The following NID1 variants were observed in gnomAD, a reference collection of about 807,000 sequenced individuals.
NID1 encodes the protein nidogen 1.
NID1 carries 76 observed loss-of-function variants against 130.6 expected under a neutral mutation model. The ratio of observed to expected loss-of-function variants is 0.58; its 90% CI spans 0.48 to 0.70. NID1 has a LOEUF of 0.70. NID1 is among the 30% of genes least tolerant of loss of function. NID1 has a pLI of 0.00. For synonymous variants in NID1, 665 were observed against 675.1 expected (o/e 0.98, Z 0.23); for missense variants, 1,517 against 1,664.8 (o/e 0.91, Z 1.54).
intron 12 of NID1, among the ~76,000 whole-genome samples, chr1:236,011,437 G>A (rs991881862): frequency 6.6e-6 from 1 of 151,558 alleles, no homozygotes; most frequent in South Asian, 2.1e-4. Context: ...GTAGTAGCTG[G>A]GATTACAGGC....
At chr1:235,996,743 A>C (rs1046551740) in intron 12 of NID1, among the ~76,000 whole-genome samples, 2 of 149,414 alleles carry the variant, frequency 1.3e-5, no homozygotes, top group Non-Finnish European at 3.0e-5. Context: ...AAGCCTGGCC[A>C]CTTCATGTAT....
At chr1:236,031,783 C>A (rs746996) in intron 6 of NID1, among the ~76,000 whole-genome samples, 1,766 of 152,304 alleles carry the variant, frequency 0.012, 36 homozygotes, top group African/African-American at 0.041. Flanking sequence ...GCCACCACAA[C>A]ACCAAGGAAA....
chr1:235,999,502 G>C (rs192265857), intron 12 of NID1, among the ~76,000 whole-genome samples: 1 of 152,092 alleles, frequency 6.6e-6, no homozygotes, highest in African/African-American at 2.4e-5. Flanking sequence ...GAGTGTCCCT[G>C]GCCCCCATGG....
At chr1:236,062,633 CAAAA>C (rs56709890) in intron 1 of NID1, among the ~76,000 whole-genome samples, 34 of 104,246 alleles carry the variant, frequency 3.3e-4, no homozygotes, top group East Asian at 1.5e-3. Context: ...GACTCTGTCT[CAAAA>C]AAAAAAAAAA....
intron 10 of NID1, among the ~76,000 whole-genome samples, chr1:236,014,481 C>T (rs949774333): frequency 1.3e-5 from 2 of 152,102 alleles, no homozygotes; most frequent in Non-Finnish European, 2.9e-5. Flanking sequence ...AGCTGAAAAT[C>T]ACCCTGTAGA....
chr1:236,008,062 GC>G (rs1262346341), intron 12 of NID1, among the ~76,000 whole-genome samples: 1 of 152,044 alleles, frequency 6.6e-6, no homozygotes, highest in Non-Finnish European at 1.5e-5. Flanking sequence ...ACTCACCCAT[GC>G]ACATACACAA....
chr1:236,012,206 C>G (rs1222519062), intron 11 of NID1, among the ~76,000 whole-genome samples, 163 bp from the exon 12 acceptor site: 1 of 152,194 alleles, frequency 6.6e-6, no homozygotes, highest in Non-Finnish European at 1.5e-5. Context: ...ACTAACTCCC[C>G]AATATCTATC....
At chr1:236,050,204 G>A (rs2102846781) in intron 1 of NID1, among the ~76,000 whole-genome samples, 1 of 152,308 alleles carries the variant, frequency 6.6e-6, no homozygotes, top group African/African-American at 2.4e-5. Flanking sequence ...TCCAAAATCA[G>A]TCCTTTTAAT....
In NID1 at chr1:235,977,996, A is replaced by C; in HGVS notation, c.3623-8T>G. On this transcript the variant is annotated splice_region_variant and splice_polypyrimidine_tract_variant and intron_variant, in intron 19 of 19. Transcript: ENST00000264187. ...CTGAGCAGTAGTTATGGCCTGGAAA[A>C]GGCAGAAATCAGTTCAATAGCCCTC... is the stretch of plus-strand genomic sequence containing the variant. 6.2e-7 allele frequency: 1 copy of C among 1,613,744 alleles called. No homozygotes were observed.
Position 236,065,021 on chromosome 1 carries a change from A to C in NID1, c.59T>G (p.Leu20Arg). The change falls in exon 1 of 20, where the codon CTG becomes CGG. Residue 20 changes from leucine (L) to arginine (R), a missense_variant. Physicochemically the swap from Leu to Arg is moderately radical, Grantham distance 102. Around this residue, in one of 3 missense-constraint regions of NID1, gnomAD observed 1,329 missense variants for 1,429.2 expected, o/e 0.93. Coordinates refer to ENST00000264187, the MANE Select transcript of NID1 (RefSeq NM_002508.3). The surrounding 1 kb of genome is among the most constrained non-coding windows in gnomAD (Gnocchi z 4.1). ...GCAGCCCACAGGCCCCGCCAGCAGC[A>C]GCGGCAGCAGCAGCGCCCGCGTCCA... ...AAWTRALLLP[L>R]LLAGPVGCLS... 2 of 1,561,262 alleles carry C rather than the reference A, an allele frequency of 1.3e-6. No homozygotes were observed. The highest frequency in any genetic ancestry group is 2.3e-5 in the South Asian group (2 of 85,392).
At position 236,048,765 on chromosome 1, in the gene NID1, A is replaced by G. The variant is rs1161552695; in HGVS notation, c.450T>C (p.Ser150=). The change falls in exon 2 of 20, where the codon AGT becomes AGC. Residue 150 remains serine, a synonymous_variant. Coordinates refer to ENST00000264187, the MANE Select transcript of NID1 (RefSeq NM_002508.3). Reference sequence around the variant, plus strand: ...ATTCCCAAGTGACAACCACCGCGCTACTAGGCTGGAAAGAGATCTCCGGGA... The same window carrying G: ...ATTCCCAAGTGACAACCACCGCGCTGCTAGGCTGGAAAGAGATCTCCGGGA... ...RGFPEISFQP[S]SAVVVTWESV... is the part of the protein sequence containing the mutation. 1.2e-6 allele frequency: 2 copies of G among 1,613,754 alleles called. No homozygotes were observed. The highest frequency in any genetic ancestry group is 1.7e-4 in the Middle Eastern group (1 of 5,760).
At chr1:236,057,214 G>A (rs1659919584) in intron 1 of NID1, among the ~76,000 whole-genome samples, 2 of 152,118 alleles carry the variant, frequency 1.3e-5, no homozygotes, top group Admixed American at 1.3e-4. Context: ...AGCTGAGACT[G>A]TGCCACTGCA....
At chr1:236,024,799 A>C (rs542514005) in intron 8 of NID1, among the ~76,000 whole-genome samples, 31 of 152,302 alleles carry the variant, frequency 2.0e-4, no homozygotes, top group Non-Finnish European at 3.8e-4. Context: ...GGTATGTCAC[A>C]AAAGCTCCCT....
rs531461164 is a variant in NID1, at chr1:236,002,757, G to A, written c.2528-8885C>T. ...GGGATGGAGGAACCACAGGCTCAGC[G>A]ATCACTCCGCGGATTTGGAAACGAG... is the stretch of plus-strand genomic sequence containing the variant. On this transcript the variant is annotated intron_variant, in intron 12 of 19. Transcript: ENST00000264187. Among the ~76,000 whole-genome samples, 23 of 152,262 alleles carry A rather than the reference G, an allele frequency of 1.5e-4. No homozygotes were observed. In the East Asian group the frequency reaches 4.2e-3, roughly 28 times the overall value.
chr1:236,037,001 T>G (rs757672638), intron 5 of NID1, among the ~76,000 whole-genome samples: 1 of 152,208 alleles, frequency 6.6e-6, no homozygotes, highest in South Asian at 2.1e-4. Flanking sequence ...GGTTTTGCCA[T>G]TTTTGTGTTA....
chr1:235,992,462 C>A (rs1334547972), intron 13 of NID1, among the ~76,000 whole-genome samples: 2 of 152,204 alleles, frequency 1.3e-5, no homozygotes, highest in Non-Finnish European at 2.9e-5. Flanking sequence ...CAAACCCATC[C>A]CAGGCTCCTC....
chr1:236,047,722 C>A (rs1659645131), intron 2 of NID1, among the ~76,000 whole-genome samples: 1 of 152,064 alleles, frequency 6.6e-6, no homozygotes, highest in African/African-American at 2.4e-5. Flanking sequence ...TTAATAATTT[C>A]TCTAGTCAGA....
intron 12 of NID1, among the ~76,000 whole-genome samples, chr1:236,008,765 CAAGTGAT>C (rs2102813840): frequency 6.6e-6 from 1 of 151,832 alleles, no homozygotes; most frequent in South Asian, 2.1e-4. Context: ...CCCCCAGGTT[CAAGTGAT>C]TCTCCTGCTT....
intron 14 of NID1, among the ~76,000 whole-genome samples, chr1:235,987,074 G>C (rs1349721189): frequency 6.6e-6 from 1 of 152,230 alleles, no homozygotes; most frequent in Non-Finnish European, 1.5e-5. Context: ...CATGTGATTT[G>C]AGTTTCATGA....
Sources: allele counts gnomAD v4.1 joint callset (sites outside exome capture counted in the v4.1 genomes callset), GRCh38; gene constraint gnomAD v4.1.1; regional missense constraint gnomAD v4.1.1; non-coding constraint Gnocchi (gnomAD v3.1); transcripts MANE v1.5; gene names NCBI Gene and HGNC (gene_info 2026-07-23, HGNC 2026-07-21).